Variants in NEK11 observed in about 807,000 individuals in gnomAD.
NEK11 encodes NIMA related kinase 11.
A neutral mutation model predicts 80.7 loss-of-function variants in NEK11; 72 were observed. That is an observed-to-expected ratio of 0.89 (90% CI 0.74 to 1.08). The LOEUF (loss-of-function observed/expected upper bound fraction) is 1.08, where lower values mean the gene tolerates loss of function less well. Among genes scored for constraint, NEK11 ranks in the 50% least tolerant of loss-of-function variants. The probability of loss-of-function intolerance (pLI) is 0.00; values close to 1 mark genes in which losing one functional copy is unlikely to be tolerated. For missense variants in NEK11, 764 were observed against 763.6 expected (o/e 1.00, Z -0.01); for synonymous variants, 251 against 260.7 (o/e 0.96, Z 0.36).
chr3:131,093,716 A>G (rs1023857824), intron 4 of NEK11, among the ~76,000 whole-genome samples: 3 of 152,148 alleles, frequency 2.0e-5, no homozygotes, highest in African/African-American at 7.2e-5. Flanking sequence ...CAGATGTGCA[A>G]TTTGAACAAA....
intron 7 of NEK11, among the ~76,000 whole-genome samples, chr3:131,148,975 C>T (rs577898804): frequency 6.6e-6 from 1 of 151,968 alleles, no homozygotes; most frequent in South Asian, 2.1e-4. Flanking sequence ...AAACATTTAT[C>T]ATTTCTTTGT....
At chr3:131,144,655 G>T (rs1000539543) in intron 7 of NEK11, among the ~76,000 whole-genome samples, 4 of 152,146 alleles carry the variant, frequency 2.6e-5, no homozygotes, top group Non-Finnish European at 5.9e-5. Flanking sequence ...CTGAGATATG[G>T]TAGGTAACCA....
chr3:131,074,116 C>T (rs2073927865), intron 3 of NEK11, among the ~76,000 whole-genome samples: 1 of 152,166 alleles, frequency 6.6e-6, no homozygotes, highest in African/African-American at 2.4e-5. Context: ...TCCTTCCCCT[C>T]CTGTCTCACT....
chr3:131,028,779 C>T (rs2109202727), intron 2 of NEK11, among the ~76,000 whole-genome samples: 1 of 152,178 alleles, frequency 6.6e-6, no homozygotes, highest in Admixed American at 6.5e-5. Flanking sequence ...TGGTCTCGAT[C>T]TCCTGACCTC....
At chr3:131,182,869 C>T (rs1399684357) in intron 14 of NEK11, among the ~76,000 whole-genome samples, 1 of 152,156 alleles carries the variant, frequency 6.6e-6, no homozygotes, top group Non-Finnish European at 1.5e-5. Context: ...CAGCTCAATT[C>T]CACATGACCT....
intron 16 of NEK11, among the ~76,000 whole-genome samples, chr3:131,251,165 T>C (rs1304865710): frequency 1.6e-4 from 22 of 138,628 alleles, no homozygotes; most frequent in Admixed American, 1.5e-3. Flanking sequence ...AAAATAGTTG[T>C]ATAAACATGT....
chr3:131,238,167 A>T (rs1294039512), intron 15 of NEK11, among the ~76,000 whole-genome samples: 1 of 152,132 alleles, frequency 6.6e-6, no homozygotes, highest in African/African-American at 2.4e-5. Flanking sequence ...TTTATATGTC[A>T]TCTTATCAGG....
intron 14 of NEK11, 71 bp from the exon 15 acceptor site, chr3:131,228,457 A>G: frequency 4.5e-6 from 6 of 1,336,458 alleles, no homozygotes; most frequent in East Asian, 2.3e-5. Flanking sequence ...TCCCTGTGAA[A>G]AGATACAGTA....
At position 131,349,781 on chromosome 3, in the gene NEK11, C is replaced by A; in HGVS notation, c.*5C>A. ...ACTCTCCAGAACCATCTCTAGGCAA[C>A]TATCAAAAAGAAGCAGAAGTTCAAG... is the stretch of plus-strand genomic sequence containing the variant. On this transcript the variant is annotated 3_prime_UTR_variant, in exon 18 of 18. Transcript: ENST00000383366. 1 of 1,605,334 alleles carries A rather than the reference C, an allele frequency of 6.2e-7. No homozygotes were observed. The highest frequency in any genetic ancestry group is 8.5e-7 in the Non-Finnish European group (1 of 1,174,456).
intron 3 of NEK11, among the ~76,000 whole-genome samples, chr3:131,048,088 C>T (rs1419345463): frequency 1.3e-5 from 2 of 152,142 alleles, no homozygotes; most frequent in Non-Finnish European, 2.9e-5. Flanking sequence ...CCTCATGCAG[C>T]TCCCACGTAT....
At chr3:131,229,365 T>A (rs1246690310) in intron 15 of NEK11, among the ~76,000 whole-genome samples, 1 of 152,198 alleles carries the variant, frequency 6.6e-6, no homozygotes, top group Non-Finnish European at 1.5e-5. Flanking sequence ...AAGAGGCTTA[T>A]GAAGATGAAG....
chr3:131,228,614 G>A lies in NEK11; in HGVS notation c.1486G>A (p.Glu496Lys), dbSNP rs138399301. ...TGAAGAGAGTGATGAGGAGGAAGAA[G>A]AAATAGCGTTAGAAAGACCAGAGAA... ...YCEESDEEEE[E>K]IALERPEKEI... is the part of the protein sequence containing the mutation. Residue 496 changes from glutamate (E) to lysine (K), a missense_variant, in exon 15 of 18, where the codon GAA (glutamate) becomes AAA (lysine). Glu to Lys is a moderately conservative substitution (Grantham distance 56, BLOSUM62 1). Transcript: ENST00000383366. 1.9e-6 allele frequency: 3 copies of A among 1,613,790 alleles called. No homozygotes were observed. The highest frequency in any genetic ancestry group is 2.5e-6 in the Non-Finnish European group (3 of 1,179,736).
At chr3:131,091,713 A>C (rs938548895) in intron 4 of NEK11, among the ~76,000 whole-genome samples, 12 of 152,238 alleles carry the variant, frequency 7.9e-5, no homozygotes, top group African/African-American at 2.9e-4. Context: ...TTAATGCACA[A>C]ATGTCTCCAA....
rs562235142 is a variant in NEK11 at position 131,332,838 on chromosome 3, G to A, written c.1719-16719G>A. On this transcript the variant is annotated intron_variant, in intron 17 of 17. Transcript: ENST00000383366. ...GAAGAATGCAGAAGCCTCAGGAGCC[G>A]ATGCAATCGACTGGAAGAAAGGGTA... Among the ~76,000 whole-genome samples, 6 of 152,298 alleles carry A rather than the reference G, an allele frequency of 3.9e-5. No individual in the cohort carries two copies. In the South Asian group the frequency reaches 6.2e-4, roughly 16 times the overall value.
At chr3:131,116,239 C>T (rs913633434) in intron 5 of NEK11, among the ~76,000 whole-genome samples, 1 of 151,910 alleles carries the variant, frequency 6.6e-6, no homozygotes, top group Non-Finnish European at 1.5e-5. Flanking sequence ...GGTTTTCTGT[C>T]CTTCTGATAG....
At chr3:131,244,940 G>A (rs1372908671) in intron 16 of NEK11, among the ~76,000 whole-genome samples, 9 of 152,062 alleles carry the variant, frequency 5.9e-5, no homozygotes, top group Non-Finnish European at 1.2e-4. Context: ...ATATATTATT[G>A]TTATAATTTC....
chr3:131,115,970 C>CTTTCTTTCTT (rs2081125672), intron 5 of NEK11, among the ~76,000 whole-genome samples: 2 of 136,912 alleles, frequency 1.5e-5, no homozygotes, highest in Non-Finnish European at 3.2e-5. Context: ...TTCTTTCTTT[C>CTTTCTTTCTT]TTTCTTTCTT....
At chr3:131,228,721 C>A in intron 15 of NEK11, 33 bp downstream of exon 15, 1 of 1,599,156 alleles carries the variant, frequency 6.3e-7, no homozygotes. Flanking sequence ...AGCCATGGAA[C>A]TGTTCAAGGT....
At chr3:131,205,890 G>T (rs2094428830) in intron 14 of NEK11, among the ~76,000 whole-genome samples, 1 of 152,116 alleles carries the variant, frequency 6.6e-6, no homozygotes, top group Admixed American at 6.6e-5. Flanking sequence ...AGATCTGGGG[G>T]AGTTTTCTTA....
Sources: gnomAD v4.1 joint callset for allele counts (sites outside exome capture counted in the v4.1 genomes callset) on GRCh38, gnomAD v4.1.1 for gene constraint, MANE v1.5 for transcripts, NCBI Gene and HGNC (gene_info 2026-07-23, HGNC 2026-07-21) for gene names.